The following KCNIP1 variants were observed in gnomAD, a reference collection of about 807,000 sequenced individuals.
The protein encoded by KCNIP1 is A-type potassium channel modulatory protein KCNIP1.
KCNIP1 carries 18 observed loss-of-function variants against 33.0 expected under a neutral mutation model. The ratio of observed to expected loss-of-function variants is 0.55; its 90% CI spans 0.38 to 0.81. The LOEUF is 0.81. Ranked by LOEUF, KCNIP1 falls within the 30% of genes least tolerant of loss-of-function variation. The pLI is 0.00. For synonymous variants in KCNIP1, 93 were observed against 98.3 expected (o/e 0.95, Z 0.32); for missense variants, 238 against 271.6 (o/e 0.88, Z 0.87).
chr5:170,482,787 A>G (rs1384872229), intron 1 of KCNIP1, among the ~76,000 whole-genome samples: 1 of 152,194 alleles, frequency 6.6e-6, no homozygotes, highest in South Asian at 2.1e-4. Flanking sequence ...CTCCAAAATT[A>G]TAATAACTTC....
chr5:170,451,515 G>A (rs1403369016), intron 1 of KCNIP1, among the ~76,000 whole-genome samples: 1 of 151,758 alleles, frequency 6.6e-6, no homozygotes, highest in Non-Finnish European at 1.5e-5. Context: ...TTCAACTGCA[G>A]GTGTGTTCCT....
At chr5:170,691,833 G>A (rs1478669619) in intron 1 of KCNIP1, among the ~76,000 whole-genome samples, 1 of 152,004 alleles carries the variant, frequency 6.6e-6, no homozygotes, top group Non-Finnish European at 1.5e-5. Context: ...GCAGGGCAAG[G>A]TCCTGGAGGG....
intron 1 of KCNIP1, chr5:170,669,791 C>A: frequency 2.8e-6 from 1 of 361,712 alleles, no homozygotes; most frequent in Non-Finnish European, 3.8e-6. Flanking sequence ...AAAACAACAT[C>A]TGAGCTTGGT....
chr5:170,559,014 G>A (rs1188494072), intron 1 of KCNIP1, among the ~76,000 whole-genome samples: 1 of 152,156 alleles, frequency 6.6e-6, no homozygotes, highest in East Asian at 1.9e-4. Flanking sequence ...ACCGAGGCAG[G>A]CATCTCAAGT....
chr5:170,552,170 GCACTGGGCCCTGGGAGGA>G (rs1268752336), intron 1 of KCNIP1, among the ~76,000 whole-genome samples: 1 of 152,176 alleles, frequency 6.6e-6, no homozygotes, highest in Non-Finnish European at 1.5e-5. Context: ...TCTCAACACA[GCACTGGGCCCTGGGAGGA>G]CCAGGCCACA....
Position 170,366,065 on chromosome 5 carries a change from A to G in KCNIP1, c.88+12101A>G, listed in dbSNP as rs1486888523. Among the ~76,000 whole-genome samples the G allele has an allele frequency of 3.3e-5, 5 of 152,234 alleles. No individual in the cohort carries two copies. The East Asian group carries it at 9.7e-4, about 30-fold the overall frequency. On this transcript the variant is annotated intron_variant, in intron 1 of 7. Coordinates refer to the KCNIP1 transcript ENST00000377360. ...CAGAAAAGAGTGAGAGATGTTTTCA[A>G]CATACTCTTTGCCTTTCCTTTCCCT...
At chr5:170,476,884 GAC>G (rs200449568) in intron 1 of KCNIP1, among the ~76,000 whole-genome samples, 2 of 152,138 alleles carry the variant, frequency 1.3e-5, no homozygotes, top group East Asian at 3.9e-4. Context: ...CAAGCACAGA[GAC>G]AGTTTGGGAA....
chr5:170,400,130 C>T (rs1754862132), intron 1 of KCNIP1, among the ~76,000 whole-genome samples: 1 of 152,178 alleles, frequency 6.6e-6, no homozygotes, highest in African/African-American at 2.4e-5. Flanking sequence ...AGAACCCAGC[C>T]AGGAGTCCAT....
At chr5:170,422,498 G>A (rs1393027808) in intron 1 of KCNIP1, 1 of 152,228 alleles carries the variant, frequency 6.6e-6, no homozygotes, top group Non-Finnish European at 1.5e-5. Flanking sequence ...CAAGAAGCCG[G>A]GACTTGGAAC....
intron 1 of KCNIP1, among the ~76,000 whole-genome samples, chr5:170,471,091 G>A (rs539947462): frequency 3.9e-5 from 6 of 152,234 alleles, no homozygotes; most frequent in Admixed American, 2.0e-4. Context: ...GTCAAGTTGC[G>A]CATTTACTTT....
intron 1 of KCNIP1, among the ~76,000 whole-genome samples, chr5:170,636,952 T>C (rs1054410576): frequency 6.6e-6 from 1 of 152,114 alleles, no homozygotes; most frequent in Non-Finnish European, 1.5e-5. Flanking sequence ...AACCAGGCTG[T>C]CTGAATCCAA....
intron 1 of KCNIP1, among the ~76,000 whole-genome samples, chr5:170,582,751 G>C (rs2113522576): frequency 6.6e-6 from 1 of 152,292 alleles, no homozygotes; most frequent in East Asian, 1.9e-4. Flanking sequence ...CCTTCTTCAT[G>C]GAGTTTCCCA....
chr5:170,371,390 A>G (rs372884630), intron 1 of KCNIP1, among the ~76,000 whole-genome samples: 1 of 152,156 alleles, frequency 6.6e-6, no homozygotes, highest in South Asian at 2.1e-4. Flanking sequence ...CTGTGATGGA[A>G]AGGTATCTGG....
rs60923122 is a variant in KCNIP1 at position 170,587,413 on chromosome 5, C to T, written c.61+82780C>T. On this transcript the variant is annotated intron_variant, in intron 1 of 7. Transcript: ENST00000328939. ...CTCCAGCCTGGGCAACAGAGCGAGA[C>T]TCTGTCTCAAAAAAAAAAAAAAAAA... is the stretch of plus-strand genomic sequence containing the variant. Among the ~76,000 whole-genome samples the T allele has an allele frequency of 3.9e-3, 316 of 81,378 alleles. 2 individuals are homozygous for T. The highest frequency in any genetic ancestry group is 0.015 in the African/African-American group (302 of 19,994). 53.4% of individuals were successfully genotyped at this position (81,378 alleles called of 152,430 possible).
chr5:170,370,320 T>C (rs1434007143), intron 1 of KCNIP1, among the ~76,000 whole-genome samples: 1 of 152,206 alleles, frequency 6.6e-6, no homozygotes, highest in East Asian at 1.9e-4. Context: ...TGATTGATGA[T>C]ACAATGCACC....
intron 1 of KCNIP1, among the ~76,000 whole-genome samples, chr5:170,469,639 C>T (rs1194380973): frequency 6.6e-6 from 1 of 152,194 alleles, no homozygotes; most frequent in Non-Finnish European, 1.5e-5. Flanking sequence ...CTCCACCTTA[C>T]CAAACCCGCT....
intron 1 of KCNIP1, among the ~76,000 whole-genome samples, chr5:170,663,717 A>T (rs1761586412): frequency 6.6e-6 from 1 of 151,140 alleles, no homozygotes; most frequent in African/African-American, 2.4e-5. Context: ...CCTCCCCTAC[A>T]CCCCTAATCA....
intron 1 of KCNIP1, among the ~76,000 whole-genome samples, chr5:170,354,390 G>T (rs1763290628): frequency 6.6e-6 from 1 of 152,226 alleles, no homozygotes; most frequent in Admixed American, 6.5e-5. Flanking sequence ...GGGCCAGTGG[G>T]AGGTGGTGAT....
At chr5:170,684,688 T>G (rs111269206) in intron 1 of KCNIP1, among the ~76,000 whole-genome samples, 129 of 151,074 alleles carry the variant, frequency 8.5e-4, no homozygotes, top group African/African-American at 2.8e-3. Context: ...CCAGCGGGAG[T>G]TTCCCTCCTT....
Sources: gnomAD v4.1 joint callset for allele counts (sites outside exome capture counted in the v4.1 genomes callset) on GRCh38, gnomAD v4.1.1 for gene constraint, MANE v1.5 for transcripts, NCBI Gene and HGNC (gene_info 2026-07-23, HGNC 2026-07-21) for gene names.